The following FOXP2 variants were observed in gnomAD, a reference collection of about 807,000 sequenced individuals.
FOXP2 encodes forkhead box protein P2.
Under a neutral mutation model 115.8 loss-of-function variants are expected in FOXP2, and 12 were observed. The ratio of observed to expected loss-of-function variants is 0.10; its 90% CI spans 0.07 to 0.17. The LOEUF (loss-of-function observed/expected upper bound fraction) is 0.17, where lower values mean the gene tolerates loss of function less well. Among genes scored for constraint, FOXP2 ranks in the 10% least tolerant of loss-of-function variants. The pLI is 1.00. For synonymous variants in FOXP2, 328 were observed against 297.7 expected (o/e 1.10, Z -1.05); for missense variants, 629 against 843.5 (o/e 0.75, Z 3.15).
chr7:114,442,244 T>G (rs974525394), intron 2 of FOXP2, among the ~76,000 whole-genome samples: 1 of 152,156 alleles, frequency 6.6e-6, no homozygotes, highest in Non-Finnish European at 1.5e-5. Flanking sequence ...ATAATTCTAT[T>G]TGTATGAAGC....
At chr7:114,277,355 G>A (rs1385096820) in intron 1 of FOXP2, among the ~76,000 whole-genome samples, 1 of 152,132 alleles carries the variant, frequency 6.6e-6, no homozygotes, top group South Asian at 2.1e-4. Flanking sequence ...TGTGAGAGTG[G>A]GGTTTGGAAT....
At position 114,691,703 on chromosome 7, in the gene FOXP2, A is replaced by T. The variant is rs1294682692; in HGVS notation, c.*1777A>T. On this transcript the variant is annotated 3_prime_UTR_variant, in exon 17 of 17. Coordinates refer to ENST00000350908, the MANE Select transcript of FOXP2 (RefSeq NM_014491.4). ...ATAACCTGATTATGGTTATTGCTTT[A>T]CAAACAGTTTTGACAGAAGGTGGCT... is the stretch of plus-strand genomic sequence containing the variant. 15 of 454,050 alleles carry T rather than the reference A, an allele frequency of 3.3e-5. No individual in the cohort carries two copies. The highest frequency in any genetic ancestry group is 4.4e-6 in the Non-Finnish European group (1 of 226,738). The allele number at this position is 454,050 out of a possible 1,614,324, so 28.1% of individuals were successfully genotyped here.
intron 3 of FOXP2, among the ~76,000 whole-genome samples, chr7:114,542,900 C>A (rs923751478): frequency 6.6e-6 from 1 of 151,304 alleles, no homozygotes; most frequent in South Asian, 2.1e-4. Context: ...AAGAAATTCT[C>A]CTGCCTCAGC....
chr7:114,653,888 A>G, intron 9 of FOXP2, 38 bp from the exon 10 acceptor site: 1 of 1,592,502 alleles, frequency 6.3e-7, no homozygotes, highest in Non-Finnish European at 8.6e-7. Context: ...TGTATCAGTC[A>G]TTTCTAAAAC....
At chr7:114,441,912 A>G (rs966995728) in intron 2 of FOXP2, among the ~76,000 whole-genome samples, 7 of 152,206 alleles carry the variant, frequency 4.6e-5, no homozygotes, top group African/African-American at 1.4e-4. Flanking sequence ...TTTTAGTGGG[A>G]TGTAAAATGG....
In FOXP2 at chr7:114,258,364, A is replaced by T. The variant is rs1462445279; in HGVS notation, c.-101-29655A>T. ...TTAATGTTCCTATGCAAAGGAAGAGATGGTTAGGAGTTGACCAATTATGTC... is the reference window on the plus strand; with the variant it reads ...TTAATGTTCCTATGCAAAGGAAGAGTTGGTTAGGAGTTGACCAATTATGTC... On this transcript the variant is annotated intron_variant, in intron 1 of 17. Coordinates refer to the FOXP2 transcript ENST00000634411. Among the ~76,000 whole-genome samples the T allele has an allele frequency of 2.6e-5, 4 of 152,172 alleles. 1 individual carries two copies. Among genetic ancestry groups the T allele is most frequent in the Non-Finnish European group, 5.9e-5 (4 of 68,034 alleles).
At chr7:114,591,522 A>G (rs532577026) in intron 3 of FOXP2, among the ~76,000 whole-genome samples, 1 of 152,160 alleles carries the variant, frequency 6.6e-6, no homozygotes, top group Middle Eastern at 3.4e-3. Context: ...GATGGAAGCT[A>G]TATAGCTTCC....
At chr7:114,482,616 T>A (rs1321923262) in intron 2 of FOXP2, among the ~76,000 whole-genome samples, 1 of 151,602 alleles carries the variant, frequency 6.6e-6, no homozygotes, top group Non-Finnish European at 1.5e-5. Flanking sequence ...ACTGCTTTTT[T>A]GGTTCTCCAT....
chr7:114,304,454 T>C (rs1796957032), intron 2 of FOXP2, among the ~76,000 whole-genome samples: 1 of 151,878 alleles, frequency 6.6e-6, no homozygotes, highest in Admixed American at 6.6e-5. Context: ...GGCAGATCAC[T>C]TGAGGGCAGG....
chr7:114,094,403 AACTT>A (rs1350033999), intron 1 of FOXP2, among the ~76,000 whole-genome samples: 1 of 152,216 alleles, frequency 6.6e-6, no homozygotes, highest in Admixed American at 6.5e-5. Context: ...AAATTGCACT[AACTT>A]GCTCAGAAAT....
chr7:114,656,027 A>G (rs751848446), intron 10 of FOXP2, among the ~76,000 whole-genome samples: 2 of 152,098 alleles, frequency 1.3e-5, no homozygotes, highest in Non-Finnish European at 2.9e-5. Flanking sequence ...AATAAATTCT[A>G]TTTTATCAGT....
intron 1 of FOXP2, among the ~76,000 whole-genome samples, chr7:114,287,085 CA>C (rs1257154967): frequency 6.6e-6 from 1 of 151,932 alleles, no homozygotes; most frequent in African/African-American, 2.4e-5. Flanking sequence ...TACAGCTCTC[CA>C]TTTAGTCACT....
Position 114,415,222 on chromosome 7 carries a change from G to A in FOXP2, c.-149G>A, listed in dbSNP as rs1307190049. ...TAGTTGTCTGATGGTGGCTTTGACAGTGAGCTAGCTTCTGAGTTTTCCCTT... is the reference window on the plus strand; with the variant it reads ...TAGTTGTCTGATGGTGGCTTTGACAATGAGCTAGCTTCTGAGTTTTCCCTT... On this transcript the variant is annotated 5_prime_UTR_variant, in exon 1 of 17. It adds an upstream start codon to the 5' untranslated region. Coordinates refer to ENST00000350908, the MANE Select transcript of FOXP2 (RefSeq NM_014491.4). The A allele has an allele frequency of 6.6e-6, 3 of 454,028 alleles. No homozygotes were observed. Among genetic ancestry groups the A allele is most frequent in the Admixed American group, 2.4e-5 (1 of 42,538 alleles). 28.1% of individuals were successfully genotyped at this position (454,028 alleles called of 1,614,324 possible). A position where few individuals can be genotyped will look rare whatever the true frequency, so the allele number is the denominator to read the frequency against.
intron 3 of FOXP2, among the ~76,000 whole-genome samples, chr7:114,551,395 G>GT (rs1347855003): frequency 1.3e-5 from 2 of 151,926 alleles, no homozygotes; most frequent in African/African-American, 4.8e-5. Flanking sequence ...GTGGTTTGAG[G>GT]TTAAAAAAAA....
Position 114,215,112 on chromosome 7 carries a change from A to G in FOXP2, c.-102+52024A>G, listed in dbSNP as rs1324103572. Among the ~76,000 whole-genome samples the G allele has an allele frequency of 2.0e-5, 3 of 152,304 alleles. No individual in the cohort carries two copies. The East Asian group carries it at 5.8e-4, about 29-fold the overall frequency. ...CACCTTATAAGGACTAAGTATTATT[A>G]TTAATGTGAATCCTTAATAATTAAT... On this transcript the variant is annotated intron_variant, in intron 1 of 17. Transcript: ENST00000634411.
intron 1 of FOXP2, among the ~76,000 whole-genome samples, chr7:114,233,574 C>T (rs937042521): frequency 1.1e-4 from 17 of 152,214 alleles, no homozygotes; most frequent in Non-Finnish European, 2.2e-4. Flanking sequence ...CTTCCTAAGG[C>T]TCACTCCATC....
chr7:114,120,698 A>ATGTGTGTGTGTGTGTGTG (rs111628410), intron 1 of FOXP2, among the ~76,000 whole-genome samples: 16 of 149,428 alleles, frequency 1.1e-4, no homozygotes, highest in African/African-American at 3.9e-4. Context: ...GTGTATATGT[A>ATGTGTGTGTGTGTGTGTG]TGTGTGTGTG....
rs969523645 is a variant in FOXP2 at position 114,690,244 on chromosome 7, C to T, written c.*318C>T. 1.3e-5 allele frequency: 6 copies of T among 469,140 alleles called. No individual in the cohort carries two copies. The East Asian group carries it at 3.8e-4, about 30-fold the overall frequency. The allele number at this position is 469,140 out of a possible 1,614,324, so 29.1% of individuals were successfully genotyped here. A position where few individuals can be genotyped will look rare whatever the true frequency, so the allele number is the denominator to read the frequency against. On this transcript the variant is annotated 3_prime_UTR_variant, in exon 17 of 17. Transcript: ENST00000350908. The stretch of plus-strand genomic sequence containing the variant: ...TTAAAAAATGTGGCTCTTAAGGGTT[C>T]ATGAAATGACTGAATATGAGGATAC...
intron 3 of FOXP2, among the ~76,000 whole-genome samples, chr7:114,563,029 TAGC>T (rs1424531745): frequency 6.6e-6 from 1 of 152,116 alleles, no homozygotes; most frequent in Non-Finnish European, 1.5e-5. Context: ...ACATCTTACA[TAGC>T]AGCAGGGAAG....
Sources: allele counts gnomAD v4.1 joint callset (sites outside exome capture counted in the v4.1 genomes callset), GRCh38; gene constraint gnomAD v4.1.1; transcripts MANE v1.5; gene names NCBI Gene and HGNC (gene_info 2026-07-23, HGNC 2026-07-21).